The following PAM variants were observed in gnomAD, a reference collection of about 807,000 sequenced individuals.
PAM encodes peptidylglycine alpha-amidating monooxygenase.
PAM carries 72 observed loss-of-function variants against 122.1 expected under a neutral mutation model. That is an observed-to-expected ratio of 0.59 (90% confidence interval 0.49 to 0.72). PAM has a LOEUF of 0.72. Ranked by LOEUF, PAM falls within the 30% of genes least tolerant of loss-of-function variation. The pLI is 0.00. For synonymous variants in PAM, 389 were observed against 404.4 expected, an observed-to-expected ratio of 0.96 and a Z score of 0.46; for missense variants, 1,106 against 1,183.7, an observed-to-expected ratio of 0.93 and a Z score of 0.96.
chr5:102,764,872 C>T (rs7729395), intron 1 of PAM, among the ~76,000 whole-genome samples: 4,585 of 152,300 alleles, frequency 0.03, 109 homozygotes, highest in Non-Finnish European at 0.048. Context: ...TACTTCAACC[C>T]CACATGCTGT....
intron 16 of PAM, among the ~76,000 whole-genome samples, chr5:102,996,891 G>A (rs1363691394): frequency 6.6e-6 from 1 of 152,102 alleles, no homozygotes; most frequent in East Asian, 1.9e-4. Flanking sequence ...TATATAAGTA[G>A]AGTGTTTTAT....
At chr5:102,836,824 G>T (rs892084763) in intron 1 of PAM, among the ~76,000 whole-genome samples, 1 of 149,052 alleles carries the variant, frequency 6.7e-6, no homozygotes, top group Non-Finnish European at 1.5e-5. Flanking sequence ...TTAAACAAAT[G>T]AAAATGTTAA....
chr5:102,848,608 T>C (rs112590294), intron 1 of PAM, among the ~76,000 whole-genome samples: 2 of 151,926 alleles, frequency 1.3e-5, no homozygotes, highest in African/African-American at 4.8e-5. Flanking sequence ...TTTAGGGAGG[T>C]GTCTGGAGAA....
intron 21 of PAM, among the ~76,000 whole-genome samples, chr5:103,011,516 A>G (rs1349709052): frequency 6.6e-6 from 1 of 152,098 alleles, no homozygotes; most frequent in East Asian, 1.9e-4. Flanking sequence ...AGAACATGTC[A>G]TGTTTGTCTT....
Position 102,974,179 on chromosome 5 carries a change from A to C in PAM, c.1226A>C (p.Lys409Thr). ...GEREDVVHVH[K>T]YNPTEKAESE... Reference sequence around the variant, plus strand: ...AGGGAAGATGTTGTTCATGTGCACAAATATAATCCTACAGAAAAGGCAGAA... The same window carrying C: ...AGGGAAGATGTTGTTCATGTGCACACATATAATCCTACAGAAAAGGCAGAA... The change falls in exon 15 of 26, where the codon AAA becomes ACA. Residue 409 changes from lysine to threonine, a missense_variant. Lys to Thr is a moderately conservative substitution (Grantham distance 78). Coordinates refer to ENST00000438793, the MANE Select transcript of PAM (RefSeq NM_001177306.2). The C allele has an allele frequency of 1.2e-6, 2 of 1,613,868 alleles. No homozygotes were observed. The highest frequency in any genetic ancestry group is 1.7e-6 in the Non-Finnish European group (2 of 1,179,798).
Position 103,025,325 on chromosome 5 carries a change from G to A in PAM, c.2680G>A (p.Ala894Thr), listed in dbSNP as rs1784646920. ...AIFIRWKKSR[A>T]FGDSEHKLET... is the part of the protein sequence containing the mutation. ...ATTTATTCGGTGGAAAAAATCAAGG[G>A]CCTTTGGAGGCAAGTAAAATGAGCC... The change falls in exon 24 of 26, where the codon GCC becomes ACC. Residue 894 changes from alanine to threonine, a missense_variant. Ala to Thr is a moderately conservative substitution (Grantham distance 58). Transcript: ENST00000438793. The A allele has an allele frequency of 6.2e-7, 1 of 1,613,312 alleles. No homozygotes were observed. Among genetic ancestry groups the A allele is most frequent in the Non-Finnish European group, 8.5e-7 (1 of 1,179,418 alleles).
At chr5:102,778,401 G>C (rs1172389255) in intron 1 of PAM, among the ~76,000 whole-genome samples, 1 of 152,116 alleles carries the variant, frequency 6.6e-6, no homozygotes, top group Non-Finnish European at 1.5e-5. Context: ...ATGTTTACCT[G>C]ACAAGTAAAC....
intron 5 of PAM, among the ~76,000 whole-genome samples, chr5:102,919,659 A>C (rs1746687797): frequency 6.6e-6 from 1 of 152,190 alleles, no homozygotes; most frequent in Non-Finnish European, 1.5e-5. Context: ...GTTTAGACAT[A>C]AATTACTGAT....
chr5:102,901,966 C>A (rs1798071250), intron 4 of PAM, among the ~76,000 whole-genome samples: 1 of 151,604 alleles, frequency 6.6e-6, no homozygotes, highest in African/African-American at 2.4e-5. Flanking sequence ...ATGACAGATT[C>A]TTCCCCAACT....
intron 4 of PAM, among the ~76,000 whole-genome samples, chr5:102,909,784 G>A (rs1800821629): frequency 6.6e-6 from 1 of 151,840 alleles, no homozygotes; most frequent in South Asian, 2.1e-4. Context: ...TATTTACAGT[G>A]TATAACACGA....
chr5:102,860,582 A>G (rs1370062412), intron 1 of PAM, among the ~76,000 whole-genome samples: 3 of 151,968 alleles, frequency 2.0e-5, no homozygotes, highest in Non-Finnish European at 4.4e-5. Flanking sequence ...GCTATTTGGG[A>G]GGCTGAGGTA....
chr5:103,016,759 A>T (rs1339283932), intron 21 of PAM, among the ~76,000 whole-genome samples: 2 of 152,246 alleles, frequency 1.3e-5, no homozygotes, highest in African/African-American at 4.8e-5. Context: ...ATAAGACTTC[A>T]AGAGTATAAA....
chr5:102,803,529 G>A (rs1250261178), intron 1 of PAM, among the ~76,000 whole-genome samples: 1 of 152,114 alleles, frequency 6.6e-6, no homozygotes, highest in East Asian at 1.9e-4. Flanking sequence ...AGAAGCAGTA[G>A]AGGTCCAGGT....
chr5:102,985,156 C>A (rs919245310), intron 15 of PAM, among the ~76,000 whole-genome samples: 1 of 151,574 alleles, frequency 6.6e-6, no homozygotes, highest in Admixed American at 6.6e-5. Flanking sequence ...AGCAACTTAA[C>A]AATGCACTTC....
chr5:102,825,004 G>C (rs1480740957), intron 1 of PAM, among the ~76,000 whole-genome samples: 1 of 152,176 alleles, frequency 6.6e-6, no homozygotes, highest in African/African-American at 2.4e-5. Flanking sequence ...ACAGACTTGT[G>C]CTGGCTTCCT....
chr5:102,875,798 A>G (rs1406198528), intron 3 of PAM, among the ~76,000 whole-genome samples: 1 of 152,210 alleles, frequency 6.6e-6, no homozygotes, highest in African/African-American at 2.4e-5. Flanking sequence ...CTTTGTCTCA[A>G]TGGAAAACTG....
chr5:102,839,037 C>T (rs1054853660), intron 1 of PAM, among the ~76,000 whole-genome samples: 1 of 152,070 alleles, frequency 6.6e-6, no homozygotes, highest in African/African-American at 2.4e-5. Flanking sequence ...ATATATCATA[C>T]ACACAGATGC....
At chr5:102,831,872 T>TTCTC (rs35019489) in intron 1 of PAM, among the ~76,000 whole-genome samples, 2 of 148,666 alleles carry the variant, frequency 1.3e-5, no homozygotes, top group African/African-American at 2.5e-5. Context: ...GGAACTAGTC[T>TTCTC]TCTCTCTCTC....
chr5:102,988,031 G>C (rs968629874), intron 15 of PAM, among the ~76,000 whole-genome samples: 16 of 152,084 alleles, frequency 1.1e-4, no homozygotes, highest in African/African-American at 3.9e-4. Context: ...TATGATCATT[G>C]TTAAATCCAG....
Sources: gnomAD v4.1 joint callset for allele counts (sites outside exome capture counted in the v4.1 genomes callset) on GRCh38, gnomAD v4.1.1 for gene constraint, MANE v1.5 for transcripts, NCBI Gene and HGNC (gene_info 2026-07-23, HGNC 2026-07-21) for gene names.